Variants in PCSK6 observed in about 807,000 individuals in gnomAD.
The protein encoded by PCSK6 is paired basic amino acid cleaving enzyme 4.
A neutral mutation model predicts 123.3 loss-of-function variants in PCSK6; 85 were observed. The ratio of observed to expected loss-of-function variants is 0.69; its 90% CI spans 0.58 to 0.83. PCSK6 has a LOEUF of 0.83. Among genes scored for constraint, PCSK6 ranks in the 40% least tolerant of loss-of-function variants. PCSK6 has a pLI of 0.00. For synonymous variants in PCSK6, 508 were observed against 516.0 expected, an observed-to-expected ratio of 0.98 and a Z score of 0.21; for missense variants, 1,191 against 1,282.3, an observed-to-expected ratio of 0.93 and a Z score of 1.09.
chr15:101,447,429 G>A (rs568885764), intron 1 of PCSK6, among the ~76,000 whole-genome samples: 1 of 152,278 alleles, frequency 6.6e-6, no homozygotes, highest in East Asian at 1.9e-4. Context: ...CTGAGGCCCA[G>A]GGAGGTTAAG....
At chr15:101,384,272 C>A in intron 10 of PCSK6, 50 bp downstream of exon 10, 1 of 1,598,112 alleles carries the variant, frequency 6.3e-7, no homozygotes, top group South Asian at 1.1e-5. Flanking sequence ...ACACCCCTTC[C>A]TACACATTCC....
At chr15:101,403,445 A>G (rs921239667) in intron 6 of PCSK6, among the ~76,000 whole-genome samples, 4 of 150,342 alleles carry the variant, frequency 2.7e-5, no homozygotes, top group East Asian at 1.9e-4. Context: ...AAAGAGAGAG[A>G]AAAAAAAATG....
At chr15:101,366,753 CGG>C (rs1340664576) in intron 12 of PCSK6, among the ~76,000 whole-genome samples, 3 of 152,150 alleles carry the variant, frequency 2.0e-5, no homozygotes, top group African/African-American at 7.2e-5. Context: ...CAGACAGGGG[CGG>C]GGGTCCCCCT....
At chr15:101,342,150 A>AAAAAAAAAAAAAAAAAAAAAAAC in intron 13 of PCSK6, among the ~76,000 whole-genome samples, 1 of 146,256 alleles carries the variant, frequency 6.8e-6, no homozygotes, top group African/African-American at 2.5e-5. Context: ...AAAAAAAAAA[A>AAAAAAAAAAAAAAAAAAAAAAAC]AAAGAAGATT....
chr15:101,332,574 C>T (rs1425679277), intron 13 of PCSK6, among the ~76,000 whole-genome samples: 1 of 152,174 alleles, frequency 6.6e-6, no homozygotes, highest in East Asian at 1.9e-4. Flanking sequence ...CACAGCTAGC[C>T]CAGGACAGTG....
At chr15:101,486,947 C>T (rs1334233203) in intron 1 of PCSK6, among the ~76,000 whole-genome samples, 1 of 152,202 alleles carries the variant, frequency 6.6e-6, no homozygotes, top group Non-Finnish European at 1.5e-5. Context: ...CATATGCGTA[C>T]CATGTGAACA....
chr15:101,398,518 G>C lies in PCSK6; in HGVS notation c.882C>G (p.Ile294Met). ...TDVVEAKSLG[I>M]RPNYIDIYSA... Reference sequence around the variant, plus strand: ...TGTAAATGTCGATGTAGTTGGGTCTGATGCCCAGCGACTTTGCCTCGACCA... The same window carrying C: ...TGTAAATGTCGATGTAGTTGGGTCTCATGCCCAGCGACTTTGCCTCGACCA... The change falls in exon 7 of 22, where the codon ATC becomes ATG. Residue 294 changes from isoleucine to methionine, a missense_variant. Transcript: ENST00000611716. The surrounding 1 kb of genome is among the most constrained non-coding windows in gnomAD (Gnocchi z 4.6). The C allele has an allele frequency of 1.2e-6, 2 of 1,613,872 alleles. No homozygotes were observed. Among genetic ancestry groups the C allele is most frequent in the Non-Finnish European group, 1.7e-6 (2 of 1,179,810 alleles).
intron 2 of PCSK6, among the ~76,000 whole-genome samples, chr15:101,438,750 A>G (rs1283472948): frequency 6.6e-6 from 1 of 152,206 alleles, no homozygotes. Context: ...TGAACTAGTC[A>G]TCGTTCCCAA....
chr15:101,362,821 G>A (rs1194340423), intron 13 of PCSK6, among the ~76,000 whole-genome samples: 1 of 152,250 alleles, frequency 6.6e-6, no homozygotes. Flanking sequence ...AGGTAGAAGG[G>A]CTCCTGAGCC....
chr15:101,331,379 G>A (rs139430277), intron 15 of PCSK6, among the ~76,000 whole-genome samples: 5 of 152,310 alleles, frequency 3.3e-5, no homozygotes, highest in South Asian at 2.1e-4. Flanking sequence ...TCTCTGCCAC[G>A]AAGTCCTTTC....
chr15:101,340,732 C>T (rs952357064), intron 13 of PCSK6, among the ~76,000 whole-genome samples: 16 of 152,154 alleles, frequency 1.1e-4, no homozygotes, highest in African/African-American at 3.4e-4. Context: ...AGTTCTCTTA[C>T]ACTATCTTCC....
chr15:101,362,234 G>A (rs2041251154), intron 13 of PCSK6, among the ~76,000 whole-genome samples: 1 of 152,182 alleles, frequency 6.6e-6, no homozygotes, highest in African/African-American at 2.4e-5. Context: ...GGAATTACAG[G>A]CATGAGCCAC....
Position 101,304,607 on chromosome 15 carries a change from C to CG in PCSK6, c.*650dup, listed in dbSNP as rs1274802804. 6.6e-6 allele frequency: 1 copy of CG among 152,246 alleles called. No homozygotes were observed. The highest frequency in any genetic ancestry group is 1.5e-5 in the Non-Finnish European group (1 of 68,134). The allele number at this position is 152,246 out of a possible 1,614,324, so 9.4% of individuals were successfully genotyped here. On this transcript the variant is annotated 3_prime_UTR_variant, in exon 22 of 22. Coordinates refer to ENST00000611716, the MANE Select transcript of PCSK6 (RefSeq NM_002570.5). The stretch of plus-strand genomic sequence containing the variant: ...TCGGCTTGCTCAAAGGAGAGCGCTG[C>CG]GGGGGATAGAATCTTCTGGTCTGGC...
chr15:101,403,654 C>T (rs1033780577), intron 6 of PCSK6, among the ~76,000 whole-genome samples: 1 of 152,190 alleles, frequency 6.6e-6, no homozygotes, highest in Non-Finnish European at 1.5e-5. Flanking sequence ...CTCCCTGTCA[C>T]CCCCAGCTTC....
intron 6 of PCSK6, among the ~76,000 whole-genome samples, chr15:101,399,986 G>A (rs776945681): frequency 7.9e-5 from 12 of 152,102 alleles, no homozygotes; most frequent in Non-Finnish European, 1.2e-4. Flanking sequence ...CAAACTTTGG[G>A]AAAAAGAGAA....
chr15:101,474,748 G>C (rs2057688736), intron 1 of PCSK6, among the ~76,000 whole-genome samples: 1 of 152,126 alleles, frequency 6.6e-6, no homozygotes, highest in African/African-American at 2.4e-5. Flanking sequence ...ACCAGAAGGA[G>C]GCTGCACCCT....
In PCSK6 at chr15:101,370,490, C is replaced by T. The variant is rs187329636; in HGVS notation, c.1566G>A (p.Thr522=). ...GCTCCGCGCAGGCGCTGGTCAGGGCCGTAGTCCGCAGCACCTGCACTAAGG... is the reference window on the plus strand; with the variant it reads ...GCTCCGCGCAGGCGCTGGTCAGGGCTGTAGTCCGCAGCACCTGCACTAAGG... ...SIPLVQVLRT[T]ALTSACAEHS... The change falls in exon 12 of 22, where the codon ACG becomes ACA. Residue 522 remains threonine (T), a synonymous_variant. Coordinates refer to ENST00000611716, the MANE Select transcript of PCSK6 (RefSeq NM_002570.5). 50 of 1,537,198 alleles carry T rather than the reference C, an allele frequency of 3.3e-5. No homozygotes were observed. Among genetic ancestry groups the T allele is most frequent in the African/African-American group, 5.5e-5 (4 of 72,746 alleles).
At chr15:101,396,241 C>G (rs2042408802) in intron 7 of PCSK6, among the ~76,000 whole-genome samples, 1 of 152,152 alleles carries the variant, frequency 6.6e-6, no homozygotes, top group African/African-American at 2.4e-5. Flanking sequence ...TCCCCACTCC[C>G]CTGACAGCTG....
chr15:101,348,092 G>A (rs939909117), intron 13 of PCSK6, among the ~76,000 whole-genome samples: 3 of 152,232 alleles, frequency 2.0e-5, no homozygotes, highest in African/African-American at 7.2e-5. Flanking sequence ...CAGATGCTGG[G>A]GAGGCCTGAT....
Sources: gnomAD v4.1 joint callset for allele counts (sites outside exome capture counted in the v4.1 genomes callset) on GRCh38, gnomAD v4.1.1 for gene constraint, Gnocchi (gnomAD v3.1) non-coding constraint, MANE v1.5 for transcripts, NCBI Gene and HGNC (gene_info 2026-07-23, HGNC 2026-07-21) for gene names.